Variants in MCF2L observed in about 807,000 individuals in gnomAD.
The protein encoded by MCF2L is guanine nucleotide exchange factor DBS.
A neutral mutation model predicts 153.4 loss-of-function variants in MCF2L; 97 were observed. The observed-to-expected ratio is 0.63, with a 90% CI of 0.54 to 0.75. The LOEUF (loss-of-function observed/expected upper bound fraction) is 0.75, where lower values mean the gene tolerates loss of function less well. Ranked by LOEUF, MCF2L falls within the 30% of genes least tolerant of loss-of-function variation. The pLI, the probability that MCF2L is intolerant of heterozygous loss-of-function variation, is 0.00. For synonymous variants in MCF2L, 659 were observed against 632.2 expected, an observed-to-expected ratio of 1.04 and a Z score of -0.64; for missense variants, 1,347 against 1,495.2, an observed-to-expected ratio of 0.90 and a Z score of 1.64.
chr13:112,942,484 G>A (rs2081585986), intron 2 of MCF2L, among the ~76,000 whole-genome samples: 1 of 152,152 alleles, frequency 6.6e-6, no homozygotes, highest in South Asian at 2.1e-4. Flanking sequence ...TCCGTGTCTT[G>A]GTGGTAGTGG....
exon 2 of MCF2L, chr13:112,902,243 G>T: frequency 6.2e-7 from 1 of 1,612,872 alleles, no homozygotes; most frequent in Non-Finnish European, 8.5e-7. Flanking sequence ...AAGAGACCTG[G>T]AAGCAACAGT....
chr13:113,062,111 C>G (rs954062030), intron 5 of MCF2L, among the ~76,000 whole-genome samples: 1 of 151,542 alleles, frequency 6.6e-6, no homozygotes, highest in African/African-American at 2.4e-5. Flanking sequence ...TTGGGAAACT[C>G]TGTGCATGTA....
chr13:113,078,553 C>T, intron 14 of MCF2L, 113 bp from the exon 15 acceptor site: 2 of 1,386,052 alleles, frequency 1.4e-6, no homozygotes, highest in Admixed American at 3.8e-5. Context: ...GCCAGCTCCC[C>T]ATCGTGGGAA....
chr13:113,023,254 G>A lies in MCF2L; in HGVS notation c.164-1390G>A, dbSNP rs565176045. ...GGGAGAAAAGATATGCTTGTGTGAC[G>A]TCCTGGCCGAAGTGAGAACAATTGT... On this transcript the variant is annotated intron_variant, in intron 2 of 29. Coordinates refer to ENST00000535094, the MANE Select transcript of MCF2L (RefSeq NM_001112732.3). Among the ~76,000 whole-genome samples, 4 of 152,322 alleles carry A rather than the reference G, an allele frequency of 2.6e-5. No homozygotes were observed. In the South Asian group the frequency reaches 6.2e-4, roughly 24 times the overall value.
intron 18 of MCF2L, 74 bp from the exon 19 acceptor site, chr13:113,084,818 C>G (rs1399349442): frequency 3.6e-6 from 4 of 1,126,588 alleles, no homozygotes; most frequent in Non-Finnish European, 5.4e-6. Context: ...CCGCGTAATG[C>G]GGTGCCCGTC....
At chr13:112,996,376 G>A (rs1277855872) in intron 1 of MCF2L, among the ~76,000 whole-genome samples, 3 of 152,192 alleles carry the variant, frequency 2.0e-5, no homozygotes, top group Non-Finnish European at 4.4e-5. Context: ...GAATGGAAAT[G>A]TTTCTGGTCC....
intron 2 of MCF2L, among the ~76,000 whole-genome samples, chr13:112,912,479 G>C (rs1396454866): frequency 2.6e-5 from 4 of 152,062 alleles, no homozygotes; most frequent in Non-Finnish European, 4.4e-5. Flanking sequence ...ACCACACCCA[G>C]CTAATTTTTG....
intron 3 of MCF2L, among the ~76,000 whole-genome samples, chr13:113,034,417 G>A (rs1024966178): frequency 1.3e-5 from 2 of 152,204 alleles, no homozygotes; most frequent in South Asian, 2.1e-4. Context: ...GATTACTGGC[G>A]TGAGCCACCA....
chr13:112,913,840 A>G (rs1320899486), intron 2 of MCF2L, among the ~76,000 whole-genome samples: 3 of 152,150 alleles, frequency 2.0e-5, no homozygotes, highest in African/African-American at 7.2e-5. Flanking sequence ...GTGCACATTT[A>G]AAACATTTAT....
chr13:112,903,859 C>T lies in MCF2L; in HGVS notation c.169+1488C>T, dbSNP rs139878246. Among the ~76,000 whole-genome samples the T allele has an allele frequency of 2.8e-3, 425 of 152,310 alleles. 3 individuals carry two copies. Among genetic ancestry groups the T allele is most frequent in the African/African-American group, 9.9e-3 (412 of 41,560 alleles). ...TGAGCGAGGAGACAGCTACTTCCTA[C>T]AACAGTGAAGCGGGGCTGTCAGGAC... On this transcript the variant is annotated intron_variant, in intron 2 of 29. Transcript: ENST00000375608.
At chr13:113,063,877 A>G (rs1016970887) in intron 5 of MCF2L, 1 of 447,860 alleles carries the variant, frequency 2.2e-6, no homozygotes. Flanking sequence ...TGTGAGTTTG[A>G]AGATGCCGGT....
Position 112,932,820 on chromosome 13 carries a change from C to A in MCF2L, c.169+30449C>A, listed in dbSNP as rs1284980439. Among the ~76,000 whole-genome samples the A allele has an allele frequency of 6.6e-6, 1 of 152,098 alleles. No homozygotes were observed. The highest frequency in any genetic ancestry group is 1.5e-5 in the Non-Finnish European group (1 of 68,034). ...TCAACGCGGGTGGATCATCTGAGGT[C>A]AGGAGTTGAAGACCAGCCTGGCCAA... is the stretch of plus-strand genomic sequence containing the variant. On this transcript the variant is annotated intron_variant, in intron 2 of 29. Transcript: ENST00000375608. The surrounding 1 kb of genome is among the most constrained non-coding windows in gnomAD (Gnocchi z 4.6).
chr13:112,937,274 C>T (rs1329857319), intron 2 of MCF2L, among the ~76,000 whole-genome samples: 3 of 152,112 alleles, frequency 2.0e-5, no homozygotes, highest in Non-Finnish European at 4.4e-5. Flanking sequence ...AGGCTGATCT[C>T]GAACTCCTAA....
chr13:112,979,883 A>C, intron 1 of MCF2L: 1 of 823,742 alleles, frequency 1.2e-6, no homozygotes, highest in Non-Finnish European at 1.9e-6. Context: ...AAACCTGTGC[A>C]GCTCGGAGAC....
intron 20 of MCF2L, among the ~76,000 whole-genome samples, 173 bp from the exon 21 acceptor site, chr13:113,085,951 C>A (rs1359505127): frequency 6.6e-6 from 1 of 151,848 alleles, no homozygotes; most frequent in Admixed American, 6.6e-5. Context: ...GCTGCCCCAT[C>A]TGCAGCACCA....
chr13:112,931,534 G>A (rs1488575558), intron 2 of MCF2L, among the ~76,000 whole-genome samples: 2 of 152,074 alleles, frequency 1.3e-5, no homozygotes, highest in Non-Finnish European at 2.9e-5. Context: ...TACAGGTGGC[G>A]ACATACAGAA....
chr13:113,041,693 C>T (rs971808387), intron 3 of MCF2L, among the ~76,000 whole-genome samples: 3 of 152,060 alleles, frequency 2.0e-5, no homozygotes, highest in South Asian at 2.1e-4. Context: ...TCAGTGTTCC[C>T]GAAATGTGGT....
At chr13:113,017,572 AG>A (rs1342577396) in intron 2 of MCF2L, among the ~76,000 whole-genome samples, 1 of 152,216 alleles carries the variant, frequency 6.6e-6, no homozygotes, top group East Asian at 1.9e-4. Flanking sequence ...CGTGCCTTTC[AG>A]GGGCCGCCTT....
At chr13:112,988,869 G>C (rs9577410) in intron 1 of MCF2L, among the ~76,000 whole-genome samples, 1 of 25,674 alleles carries the variant, frequency 3.9e-5, no homozygotes, top group Non-Finnish European at 8.0e-5. Flanking sequence ...CCTGAGCAGG[G>C]GATGGAGCTA....
Sources: gnomAD v4.1 joint callset for allele counts (sites outside exome capture counted in the v4.1 genomes callset) on GRCh38, gnomAD v4.1.1 for gene constraint, Gnocchi (gnomAD v3.1) non-coding constraint, MANE v1.5 for transcripts, NCBI Gene and HGNC (gene_info 2026-07-23, HGNC 2026-07-21) for gene names.